Variants in CKAP2 observed in about 807,000 individuals in gnomAD.
CKAP2 encodes the protein cytoskeleton associated protein 2, also known as cytoskeleton-associated protein 2.
In CKAP2, 46 loss-of-function variants were observed where a neutral mutation model predicts 58.4. The observed-to-expected ratio is 0.79, with a 90% CI of 0.62 to 1.01. CKAP2 has a LOEUF of 1.01. CKAP2 is among the 50% of genes least tolerant of loss of function. The pLI is 0.00. For missense variants in CKAP2, 809 were observed against 796.4 expected (o/e 1.02, Z -0.19); for synonymous variants, 293 against 280.9 (o/e 1.04, Z -0.43).
At position 52,455,956 on chromosome 13, in the gene CKAP2, A is replaced by G. The variant is rs1394845713; in HGVS notation, c.70+330A>G. ...GGTCCGCTTGGGGGCGGGGCTGCAC[A>G]GGTTCAGGGACCGACTGCGCCTGCG... On this transcript the variant is annotated intron_variant, in intron 1 of 8. Transcript: ENST00000258607. 2.5e-5 allele frequency: 28 copies of G among 1,127,026 alleles called. 1 individual carries two copies. Among genetic ancestry groups the G allele is most frequent in the South Asian group, 2.2e-4 (6 of 26,910 alleles). The allele number at this position is 1,127,026 out of a possible 1,614,324, so 69.8% of individuals were successfully genotyped here. A position where few individuals can be genotyped will look rare whatever the true frequency, so the allele number is the denominator to read the frequency against.
intron 2 of CKAP2, 68 bp downstream of exon 2, chr13:52,456,675 G>A: frequency 8.3e-7 from 1 of 1,208,630 alleles, no homozygotes; most frequent in South Asian, 1.3e-5. Context: ...AAAATGTAAA[G>A]TAAGCCATAT....
intron 5 of CKAP2, among the ~76,000 whole-genome samples, chr13:52,463,862 A>G (rs1034748348): frequency 3.3e-5 from 5 of 152,188 alleles, no homozygotes; most frequent in Non-Finnish European, 5.9e-5. Context: ...ATGCTGCTCT[A>G]GTTCTTCAGT....
chr13:52,468,499 T>C (rs1594141662), intron 7 of CKAP2, 152 bp downstream of exon 7: 1 of 570,780 alleles, frequency 1.8e-6, no homozygotes, highest in East Asian at 2.9e-5. Context: ...GTTGTACAGA[T>C]TATTTTATCA....
intron 6 of CKAP2, chr13:52,465,980 C>T (rs1958669431): frequency 4.0e-6 from 1 of 252,124 alleles, no homozygotes; most frequent in Non-Finnish European, 7.8e-6. Flanking sequence ...CACATATATG[C>T]ACACATATAT....
chr13:52,473,662 T>G, intron 7 of CKAP2, 167 bp from the exon 8 acceptor site: 1 of 554,404 alleles, frequency 1.8e-6, no homozygotes, highest in Non-Finnish European at 3.2e-6. Context: ...TAATAGTATT[T>G]GTTATATAGT....
Position 52,461,124 on chromosome 13 carries a change from A to T in CKAP2, c.298A>T (p.Ile100Phe). ...KNNTVVGKHC[I>F]PLKPSNELTN... ...TAATACAGTGGTGGGGAAACATTGT[A>T]TTCCTTTAAAACCTTCAAATGAACT... Residue 100 changes from isoleucine to phenylalanine, a missense_variant, in exon 4 of 9, where the codon ATT (isoleucine) becomes TTT (phenylalanine). Physicochemically the swap from Ile to Phe is conservative, Grantham distance 21. Transcript: ENST00000258607. The T allele has an allele frequency of 6.2e-7, 1 of 1,611,846 alleles. No individual in the cohort carries two copies. Among genetic ancestry groups the T allele is most frequent in the Middle Eastern group, 1.7e-4 (1 of 6,050 alleles).
In CKAP2 at chr13:52,455,615, C is replaced by T. The variant is rs1480564191; in HGVS notation, c.59C>T (p.Ser20Phe). The T allele has an allele frequency of 1.2e-6, 2 of 1,610,440 alleles. No homozygotes were observed. Among genetic ancestry groups the T allele is most frequent in the African/African-American group, 1.3e-5 (1 of 74,574 alleles). The change falls in exon 1 of 9, where the codon TCC becomes TTC. Residue 20 changes from serine (S) to phenylalanine (F), a missense_variant. By Grantham distance (155) the Ser-to-Phe change is radical (BLOSUM62 -2). Coordinates refer to ENST00000258607, the MANE Select transcript of CKAP2 (RefSeq NM_018204.5). ...LQLPPSQRAQ[S>F]AFKEQRRQKL... is the part of the protein sequence containing the mutation. The stretch of plus-strand genomic sequence containing the variant: ...CTGCCCCCGAGTCAGAGGGCGCAGT[C>T]CGCATTCAAAGGTGAAGGCCGCGGT...
intron 6 of CKAP2, among the ~76,000 whole-genome samples, chr13:52,467,443 G>C (rs1409572720): frequency 6.6e-6 from 1 of 152,158 alleles, no homozygotes. Context: ...TAGGCCAGGC[G>C]TGGTGGCTCA....
At chr13:52,462,705 T>G in intron 5 of CKAP2, 138 bp downstream of exon 5, 1 of 663,084 alleles carries the variant, frequency 1.5e-6, no homozygotes, top group Non-Finnish European at 2.5e-6. Context: ...AACTGTGAGG[T>G]TATTTTAACA....
chr13:52,465,950 T>TATATACAC (rs989631429), intron 6 of CKAP2: 2 of 294,608 alleles, frequency 6.8e-6, no homozygotes, highest in Admixed American at 9.2e-5. Context: ...TATACACATA[T>TATATACAC]ATATGCACAC....
intron 1 of CKAP2, 104 bp downstream of exon 1, chr13:52,455,730 C>G: frequency 8.0e-7 from 1 of 1,252,076 alleles, no homozygotes; most frequent in Non-Finnish European, 1.0e-6. Flanking sequence ...CACCTCTCCC[C>G]CGCTCTGTGA....
rs778776688 is a variant in CKAP2, at chr13:52,455,562, C to A, written c.6C>A (p.Ser2Arg). 1 of 1,612,888 alleles carries A rather than the reference C, an allele frequency of 6.2e-7. No homozygotes were observed. Among genetic ancestry groups the A allele is most frequent in the Non-Finnish European group, 8.5e-7 (1 of 1,179,804 alleles). Residue 2 changes from serine to arginine, a missense_variant, in exon 1 of 9, where the codon AGC becomes AGA. Physicochemically the swap from Ser to Arg is moderately radical, Grantham distance 110. Around this residue, in one of 3 missense-constraint regions of CKAP2, gnomAD observed 523 missense variants for 492.4 expected, o/e 1.06. Transcript: ENST00000258607. ...TCCCCCGACCCGAGGCTACGATGAG[C>A]ACACCGGCCGTGCCCCAGGACCTGC... MSTPAVPQDLQL... is the reference protein window; with the variant it reads MRTPAVPQDLQL...
At chr13:52,467,561 T>G (rs1280385327) in intron 6 of CKAP2, among the ~76,000 whole-genome samples, 1 of 151,872 alleles carries the variant, frequency 6.6e-6, no homozygotes. Context: ...TACAAAAAAT[T>G]AGCTGGGCAT....
At chr13:52,465,902 T>A (rs1057387573) in intron 6 of CKAP2, 2 of 225,708 alleles carry the variant, frequency 8.9e-6, no homozygotes, top group Non-Finnish European at 1.8e-5. Flanking sequence ...TGTACTCATA[T>A]ATGTATATAT....
intron 1 of CKAP2, chr13:52,456,072 A>G: frequency 9.8e-7 from 1 of 1,022,894 alleles, no homozygotes; most frequent in South Asian, 4.5e-5. Flanking sequence ...TTCTCCTTCG[A>G]CTTTATGGAA....
Position 52,475,360 on chromosome 13 carries a change from TTTTC to T in CKAP2, c.*223_*226del. The stretch of plus-strand genomic sequence containing the variant: ...CTTGTCAGTTTCAACCAACTGAGTT[TTTTC>T]TTTAAGAAAGGTAAATTTTGTCAGC... On this transcript the variant is annotated 3_prime_UTR_variant, in exon 9 of 9. Transcript: ENST00000258607. 1.9e-6 allele frequency: 1 copy of T among 532,788 alleles called. No homozygotes were observed. Among genetic ancestry groups the T allele is most frequent in the Middle Eastern group, 5.0e-4 (1 of 1,990 alleles). The allele number at this position is 532,788 out of a possible 1,614,324, so 33.0% of individuals were successfully genotyped here.
rs914043013 is a variant in CKAP2 at position 52,474,884 on chromosome 13, T to G, written c.1803-11T>G. ...TGTTTTTGAACTCTGGAATATTGTT[T>G]TAATTTTCAGTGTGAAAAAAAAGGT... On this transcript the variant is annotated splice_polypyrimidine_tract_variant and intron_variant, in intron 8 of 8. Coordinates refer to ENST00000258607, the MANE Select transcript of CKAP2 (RefSeq NM_018204.5). The G allele has an allele frequency of 2.3e-5, 37 of 1,606,200 alleles. No homozygotes were observed. Among genetic ancestry groups the G allele is most frequent in the Non-Finnish European group, 3.1e-5 (37 of 1,174,928 alleles).
At chr13:52,468,435 C>A in intron 7 of CKAP2, 88 bp downstream of exon 7, 1 of 750,652 alleles carries the variant, frequency 1.3e-6, no homozygotes, top group Non-Finnish European at 2.2e-6. Flanking sequence ...ATCAGGAGTA[C>A]GTGTGCAGGA....
In CKAP2 at chr13:52,466,034, C is replaced by CAT. The variant is rs572461251; in HGVS notation, c.1476+575_1476+576dup. Among the ~76,000 whole-genome samples, 522 of 150,766 alleles carry CAT rather than the reference C, an allele frequency of 3.5e-3. 1 individual carries two copies. The highest frequency in any genetic ancestry group is 5.5e-3 in the Admixed American group (84 of 15,222). Reference sequence around the variant, plus strand: ...ACATACACATATATACACATATACACATATATACACACACACATATATATA... The same window carrying CAT: ...ACATACACATATATACACATATACACATATATATACACACACACATATATATA... On this transcript the variant is annotated intron_variant, in intron 6 of 8. Coordinates refer to ENST00000258607, the MANE Select transcript of CKAP2 (RefSeq NM_018204.5).
Sources: allele counts gnomAD v4.1 joint callset (sites outside exome capture counted in the v4.1 genomes callset), GRCh38; gene constraint gnomAD v4.1.1; regional missense constraint gnomAD v4.1.1; transcripts MANE v1.5; gene names NCBI Gene and HGNC (gene_info 2026-07-23, HGNC 2026-07-21).